The following RNGTT variants were observed in gnomAD, a reference collection of about 807,000 sequenced individuals.
RNGTT encodes mRNA-capping enzyme.
In RNGTT, 33 loss-of-function variants were observed where a neutral mutation model predicts 79.3. That is an observed-to-expected ratio of 0.42 (90% confidence interval 0.32 to 0.56). The LOEUF is 0.56. RNGTT is among the 20% of genes least tolerant of loss of function. The pLI, the probability that RNGTT is intolerant of heterozygous loss-of-function variation, is 0.17. For missense variants in RNGTT, 497 were observed against 739.1 expected (o/e 0.67, Z 3.80); for synonymous variants, 222 against 235.9 (o/e 0.94, Z 0.54).
chr6:88,821,460 C>T (rs1195055472), intron 11 of RNGTT, among the ~76,000 whole-genome samples: 1 of 151,896 alleles, frequency 6.6e-6, no homozygotes, highest in Non-Finnish European at 1.5e-5. Context: ...TTTTGAGGAA[C>T]TATCCAATAA....
intron 14 of RNGTT, among the ~76,000 whole-genome samples, chr6:88,629,185 T>C (rs35099696): frequency 0.08 from 12,113 of 152,126 alleles, 766 homozygotes; most frequent in Non-Finnish European, 0.11. Flanking sequence ...CTAAACTGGG[T>C]CTGTGAAATG....
At position 88,885,210 on chromosome 6, in the gene RNGTT, T is replaced by C. The variant is rs147536504; in HGVS notation, c.896+5285A>G. Among the ~76,000 whole-genome samples, 428 of 152,142 alleles carry C rather than the reference T, an allele frequency of 2.8e-3. 1 individual carries two copies. Among genetic ancestry groups the C allele is most frequent in the Admixed American group, 5.4e-3 (83 of 15,296 alleles). The stretch of plus-strand genomic sequence containing the variant: ...TCCCAGTACTAATGAGCCCAACTTG[T>C]GCACAAAAATTGGTTTCTAAATACC... On this transcript the variant is annotated intron_variant, in intron 8 of 15. Transcript: ENST00000369485.
At chr6:88,712,872 T>A (rs1363984496) in intron 13 of RNGTT, among the ~76,000 whole-genome samples, 1 of 152,166 alleles carries the variant, frequency 6.6e-6, no homozygotes, top group East Asian at 1.9e-4. Flanking sequence ...GAAATCTCCA[T>A]GATGTTACAA....
chr6:88,880,176 CTGAATGAATGAA>C (rs57548721), intron 8 of RNGTT, among the ~76,000 whole-genome samples: 55 of 149,578 alleles, frequency 3.7e-4, no homozygotes, highest in Non-Finnish European at 4.2e-4. Flanking sequence ...AATATAATTT[CTGAATGAATGAA>C]TGAATGAATG....
intron 14 of RNGTT, among the ~76,000 whole-genome samples, chr6:88,621,859 T>G (rs538350138): frequency 5.4e-4 from 82 of 152,202 alleles, no homozygotes; most frequent in African/African-American, 1.9e-3. Context: ...CCAGTTTCAG[T>G]TGGCATGATA....
At chr6:88,957,238 C>G (rs1260164675) in intron 1 of RNGTT, among the ~76,000 whole-genome samples, 1 of 152,114 alleles carries the variant, frequency 6.6e-6, no homozygotes. Flanking sequence ...TAAAAGGCAT[C>G]TATGACAAAC....
At chr6:88,834,158 A>G (rs1348498738) in intron 11 of RNGTT, among the ~76,000 whole-genome samples, 1 of 152,252 alleles carries the variant, frequency 6.6e-6, no homozygotes, top group Non-Finnish European at 1.5e-5. Context: ...TCCATGTTAC[A>G]ATTAAAAATC....
intron 2 of RNGTT, among the ~76,000 whole-genome samples, chr6:88,937,186 A>T (rs1278815450): frequency 1.3e-5 from 2 of 152,158 alleles, no homozygotes; most frequent in African/African-American, 4.8e-5. Context: ...TCAACTAAAA[A>T]ATACAAAAAA....
chr6:88,760,445 C>T lies in RNGTT; in HGVS notation c.1439+9329G>A, dbSNP rs187872667. Among the ~76,000 whole-genome samples the T allele has an allele frequency of 2.1e-4, 32 of 152,174 alleles. No homozygotes were observed. In the East Asian group the frequency reaches 2.9e-3, roughly 14 times the overall value. On this transcript the variant is annotated intron_variant, in intron 13 of 15. Transcript: ENST00000369485. ...TAACCATTCAAAGACTGAAAGCCAA[C>T]GAAGCATTTGTCTTAAAATATGTTT...
intron 8 of RNGTT, among the ~76,000 whole-genome samples, chr6:88,881,325 T>C (rs1248632721): frequency 1.3e-5 from 2 of 152,140 alleles, no homozygotes; most frequent in African/African-American, 4.8e-5. Flanking sequence ...AGAGGGAGTG[T>C]TATATTTCAA....
intron 13 of RNGTT, among the ~76,000 whole-genome samples, chr6:88,702,426 C>A (rs528337162): frequency 6.6e-6 from 1 of 152,236 alleles, no homozygotes; most frequent in African/African-American, 2.4e-5. Flanking sequence ...GCCATCTAAT[C>A]TTTGACAAAG....
At chr6:88,872,420 T>G (rs1435051606) in intron 8 of RNGTT, among the ~76,000 whole-genome samples, 1 of 151,804 alleles carries the variant, frequency 6.6e-6, no homozygotes, top group Non-Finnish European at 1.5e-5. Context: ...CCCAGCTTAA[T>G]AGGTACAAAA....
At chr6:88,952,487 T>G (rs1785284183) in intron 1 of RNGTT, among the ~76,000 whole-genome samples, 1 of 152,152 alleles carries the variant, frequency 6.6e-6, no homozygotes, top group African/African-American at 2.4e-5. Context: ...AAGCACCACC[T>G]CCTGGCTGAA....
rs116271409 is a variant in RNGTT at position 88,940,209 on chromosome 6, G to A, written c.174+862C>T. Among the ~76,000 whole-genome samples the A allele has an allele frequency of 4.7e-3, 720 of 151,882 alleles. 2 individuals carry two copies. Among genetic ancestry groups the A allele is most frequent in the African/African-American group, 0.016 (682 of 41,394 alleles). On this transcript the variant is annotated intron_variant, in intron 2 of 15. Transcript: ENST00000369485. ...TCTTGTGCCTCAGCCTCCCGAGTAT[G>A]CTGGAATTACAAGCACACACCACAA...
At chr6:88,945,230 T>C (rs767339417) in intron 1 of RNGTT, among the ~76,000 whole-genome samples, 4 of 152,180 alleles carry the variant, frequency 2.6e-5, no homozygotes, top group Admixed American at 6.5e-5. Flanking sequence ...CTCAGAGCCA[T>C]CTACACATAT....
Position 88,963,499 on chromosome 6 carries a change from C to G in RNGTT, c.-90G>C. ...CCGTGGTCCGGTGCACACCGGGGTC[C>G]GAGACACCCGAATCGCAGCCGTAAT... On this transcript the variant is annotated 5_prime_UTR_variant, in exon 1 of 16. Transcript: ENST00000369485. 8.1e-6 allele frequency: 10 copies of G among 1,238,396 alleles called. 1 individual carries two copies. Among genetic ancestry groups the G allele is most frequent in the Non-Finnish European group, 1.1e-5 (10 of 914,784 alleles). 76.7% of individuals were successfully genotyped at this position (1,238,396 alleles called of 1,614,324 possible). A position where few individuals can be genotyped will look rare whatever the true frequency, so the allele number is the denominator to read the frequency against.
At chr6:88,818,140 T>G (rs1225223615) in intron 11 of RNGTT, among the ~76,000 whole-genome samples, 1 of 152,172 alleles carries the variant, frequency 6.6e-6, no homozygotes, top group African/African-American at 2.4e-5. Flanking sequence ...TTTAACCATC[T>G]GTAATTTCCA....
chr6:88,772,485 A>C (rs1351228013), intron 12 of RNGTT, among the ~76,000 whole-genome samples: 1 of 152,168 alleles, frequency 6.6e-6, no homozygotes, highest in Non-Finnish European at 1.5e-5. Flanking sequence ...ATCTAATTAA[A>C]CTAAAGAGCT....
chr6:88,762,358 CAT>C (rs1354222420), intron 13 of RNGTT, among the ~76,000 whole-genome samples: 1 of 152,144 alleles, frequency 6.6e-6, no homozygotes, highest in Non-Finnish European at 1.5e-5. Context: ...AAAGCAGTAA[CAT>C]ATCTCCAAGG....
Sources: allele counts gnomAD v4.1 joint callset (sites outside exome capture counted in the v4.1 genomes callset), GRCh38; gene constraint gnomAD v4.1.1; transcripts MANE v1.5; gene names NCBI Gene and HGNC (gene_info 2026-07-23, HGNC 2026-07-21).